Variants in MGAT4C observed in about 807,000 individuals in gnomAD.
MGAT4C encodes the protein alpha-1,3-mannosyl-glycoprotein 4-beta-N-acetylglucosaminyltransferase C.
A neutral mutation model predicts 40.1 loss-of-function variants in MGAT4C; 19 were observed. That is an observed-to-expected ratio of 0.47 (90% CI 0.33 to 0.70). The LOEUF is 0.70. Among genes scored for constraint, MGAT4C ranks in the 30% least tolerant of loss-of-function variants. The pLI, the probability that MGAT4C is intolerant of heterozygous loss-of-function variation, is 0.02. For synonymous variants in MGAT4C, 181 were observed against 187.1 expected (o/e 0.97, Z 0.27); for missense variants, 491 against 563.2 (o/e 0.87, Z 1.30).
chr12:86,087,425 C>T (rs1177094124), intron 1 of MGAT4C, among the ~76,000 whole-genome samples: 1 of 151,992 alleles, frequency 6.6e-6, no homozygotes, highest in East Asian at 1.9e-4. Context: ...ACTTATTTTA[C>T]AATTCCACCA....
rs911085509 is a variant in MGAT4C, at chr12:86,254,784, G to A, written c.-57+1455C>T. ...AGCTTTTTGAGGTTTTGTTGATTAC[G>A]TATTGTTGTGGCTGAGACATTAAGC... is the stretch of plus-strand genomic sequence containing the variant. On this transcript the variant is annotated intron_variant, in intron 1 of 4. Transcript: ENST00000611864. Among the ~76,000 whole-genome samples, 13 of 152,070 alleles carry A rather than the reference G, an allele frequency of 8.5e-5. No homozygotes were observed. The East Asian group carries it at 9.7e-4, about 11-fold the overall frequency.
At chr12:86,338,960 A>AT (rs1366768949) in intron 3 of MGAT4C, among the ~76,000 whole-genome samples, 2 of 105,558 alleles carry the variant, frequency 1.9e-5, no homozygotes, top group African/African-American at 9.2e-5. Flanking sequence ...CTCCATCTCA[A>AT]AAAAAAAAAA....
intron 1 of MGAT4C, among the ~76,000 whole-genome samples, chr12:86,166,583 A>C (rs1886219777): frequency 6.6e-6 from 1 of 152,136 alleles, no homozygotes; most frequent in Admixed American, 6.6e-5. Flanking sequence ...GAGGCATGAG[A>C]ATCATTTGAA....
At chr12:86,520,871 G>A (rs1389598539) in intron 2 of MGAT4C, among the ~76,000 whole-genome samples, 1 of 152,030 alleles carries the variant, frequency 6.6e-6, no homozygotes, top group Non-Finnish European at 1.5e-5. Context: ...CTTCATGTAT[G>A]TCTTTTAAAA....
chr12:86,608,274 A>G (rs150216407), intron 2 of MGAT4C, among the ~76,000 whole-genome samples: 4 of 152,284 alleles, frequency 2.6e-5, no homozygotes, highest in African/African-American at 9.6e-5. Context: ...AATATCTTAT[A>G]TCACAGGAAA....
chr12:86,220,901 A>G (rs1950853524), intron 1 of MGAT4C, among the ~76,000 whole-genome samples: 1 of 152,178 alleles, frequency 6.6e-6, no homozygotes, highest in Admixed American at 6.5e-5. Context: ...TGAAGTTATG[A>G]TTAGAAATCC....
At chr12:86,813,975 A>C (rs1247611339) in intron 1 of MGAT4C, among the ~76,000 whole-genome samples, 1 of 151,754 alleles carries the variant, frequency 6.6e-6, no homozygotes, top group African/African-American at 2.4e-5. Context: ...CAGTGGCACG[A>C]TATTGGCTCA....
intron 2 of MGAT4C, among the ~76,000 whole-genome samples, chr12:86,515,796 G>A (rs1357574992): frequency 1.4e-5 from 2 of 146,538 alleles, no homozygotes; most frequent in Admixed American, 6.9e-5. Context: ...AGGCTGGAGT[G>A]CAGTGGCGCG....
At chr12:86,806,008 G>A (rs1371128971) in intron 1 of MGAT4C, among the ~76,000 whole-genome samples, 2 of 151,500 alleles carry the variant, frequency 1.3e-5, no homozygotes, top group Non-Finnish European at 2.9e-5. Context: ...TTGGCCACTT[G>A]TATCTCTTCT....
intron 2 of MGAT4C, among the ~76,000 whole-genome samples, chr12:86,490,204 G>A (rs1465777890): frequency 3.0e-3 from 462 of 152,100 alleles, no homozygotes; most frequent in African/African-American, 0.011. Context: ...AGGGAAGCCC[G>A]TCAGACTAAC....
In MGAT4C at chr12:86,519,092, A is replaced by C. The variant is rs976040974; in HGVS notation, c.-228-83827T>G. 2.1e-4 allele frequency among the ~76,000 whole-genome samples: 32 copies of C among 152,156 alleles called. 1 individual carries two copies. The highest frequency in any genetic ancestry group is 2.1e-4 in the South Asian group (1 of 4,834). ...GAAATACAAGGAAATTTTTGGTGAG[A>C]TCGAAATTTTTATGACTAGATTGTG... On this transcript the variant is annotated intron_variant, in intron 2 of 7. Transcript: ENST00000548651.
At chr12:86,744,834 C>T (rs973320827) in intron 1 of MGAT4C, among the ~76,000 whole-genome samples, 6 of 151,388 alleles carry the variant, frequency 4.0e-5, no homozygotes, top group Non-Finnish European at 8.9e-5. Flanking sequence ...TCTGAGGGCC[C>T]TCCACCACAG....
chr12:86,069,986 C>T (rs570296471), intron 1 of MGAT4C, among the ~76,000 whole-genome samples: 100 of 152,178 alleles, frequency 6.6e-4, no homozygotes, highest in African/African-American at 2.2e-3. Flanking sequence ...CCCTTCTTGA[C>T]CTGGTGCCTT....
chr12:86,445,122 A>G (rs1331184327), intron 2 of MGAT4C, among the ~76,000 whole-genome samples: 2 of 152,174 alleles, frequency 1.3e-5, no homozygotes, highest in African/African-American at 4.8e-5. Flanking sequence ...TGATGGTTTC[A>G]GTAGTATATA....
chr12:86,295,780 G>C (rs1002019113), intron 4 of MGAT4C, among the ~76,000 whole-genome samples: 1 of 152,070 alleles, frequency 6.6e-6, no homozygotes, highest in African/African-American at 2.4e-5. Context: ...CGACATACAG[G>C]TTCTCCAAGG....
At position 86,451,193 on chromosome 12, in the gene MGAT4C, C is replaced by G. The variant is rs374520770; in HGVS notation, c.-228-15928G>C. Among the ~76,000 whole-genome samples the G allele has an allele frequency of 5.9e-5, 9 of 152,172 alleles. No homozygotes were observed. The East Asian group carries it at 9.7e-4, about 16-fold the overall frequency. ...CTGTCATCATGATAGTGAGGGGGTT[C>G]TTGTGAGATCTGGTTGTATAAAAGT... On this transcript the variant is annotated intron_variant, in intron 2 of 7. Coordinates refer to the MGAT4C transcript ENST00000548651.
At chr12:86,063,095 GA>G (rs1465619162) in intron 1 of MGAT4C, among the ~76,000 whole-genome samples, 2 of 152,100 alleles carry the variant, frequency 1.3e-5, no homozygotes, top group Non-Finnish European at 2.9e-5. Context: ...AGGTTGAAAT[GA>G]AGGAAAAAAT....
chr12:86,253,422 G>A (rs1157729500), intron 1 of MGAT4C, among the ~76,000 whole-genome samples: 1 of 151,860 alleles, frequency 6.6e-6, no homozygotes, highest in Non-Finnish European at 1.5e-5. Flanking sequence ...CTGAGTCCTA[G>A]CTCCTCCATT....
rs1593176894 is a variant in MGAT4C, at chr12:86,756,177, G to C, written c.-261-28936C>G. 2.0e-5 allele frequency among the ~76,000 whole-genome samples: 3 copies of C among 152,128 alleles called. No homozygotes were observed. In the East Asian group the frequency reaches 5.8e-4, roughly 29 times the overall value. The stretch of plus-strand genomic sequence containing the variant: ...AAGTGAAAGATCAAGGCTGGCCATT[G>C]TTTCAAAGTGTTCTTGTTGAAGCTT... On this transcript the variant is annotated intron_variant, in intron 1 of 7. Transcript: ENST00000548651.
Sources: allele counts gnomAD v4.1 joint callset (sites outside exome capture counted in the v4.1 genomes callset), GRCh38; gene constraint gnomAD v4.1.1; transcripts MANE v1.5; gene names NCBI Gene and HGNC (gene_info 2026-07-23, HGNC 2026-07-21).